The following FAHD2B variants were observed in gnomAD, a reference collection of about 807,000 sequenced individuals.
The protein encoded by FAHD2B is oxaloacetate tautomerase FAHD2B, mitochondrial.
In FAHD2B, 26 loss-of-function variants were observed where a neutral mutation model predicts 33.7. That is an observed-to-expected ratio of 0.77 (90% CI 0.57 to 1.07). The LOEUF (loss-of-function observed/expected upper bound fraction) is 1.07. Ranked by LOEUF, FAHD2B falls within the 50% of genes least tolerant of loss-of-function variation. FAHD2B has a pLI of 0.00. For missense variants in FAHD2B, 272 were observed against 388.1 expected (o/e 0.70, Z 2.51); for synonymous variants, 108 against 150.9 (o/e 0.72, Z 2.08).
Position 97,084,270 on chromosome 2 carries a change from G to C in FAHD2B, c.693C>G (p.His231Gln), listed in dbSNP as rs145484440. 3.1e-5 allele frequency: 50 copies of C among 1,613,444 alleles called. No homozygotes were observed. The highest frequency in any genetic ancestry group is 4.1e-5 in the Non-Finnish European group (48 of 1,179,844). ...TCACTCGGCAGCAGATCTTTAAGTTGTGTGGATCTGAAATGCAAAGATGGA... is the reference window on the plus strand; with the variant it reads ...TCACTCGGCAGCAGATCTTTAAGTTCTGTGGATCTGAAATGCAAAGATGGA... ...LVTKDSVADP[H>Q]NLKICCRVNG... is the part of the protein sequence containing the mutation. The change falls in exon 7 of 9, where the codon CAC becomes CAG. Residue 231 changes from histidine (H) to glutamine (Q), a missense_variant. By Grantham distance (24) the His-to-Gln change is conservative (BLOSUM62 0). Transcript: ENST00000414820.
intron 1 of FAHD2B, among the ~76,000 whole-genome samples, chr2:97,094,179 G>A (rs571498005): frequency 6.6e-6 from 1 of 152,076 alleles, no homozygotes; most frequent in Non-Finnish European, 1.5e-5. Context: ...CCTCAGGGAC[G>A]AGGCTGGTTA....
downstream of FAHD2B, chr2:97,081,585 C>T (rs560353548): frequency 2.3e-4 from 346 of 1,511,656 alleles, 33 homozygotes; most frequent in African/African-American, 4.5e-3. Context: ...ACCCTGAGTG[C>T]CAGCTGCCCC....
chr2:97,091,771 C>T (rs2153383811), intron 2 of FAHD2B, 59 bp from the exon 3 acceptor site: 2 of 1,564,146 alleles, frequency 1.3e-6, no homozygotes, highest in Admixed American at 1.8e-5. Flanking sequence ...CATCAGCATC[C>T]CTGATATTCC....
chr2:97,093,599 C>T (rs1259795157), intron 1 of FAHD2B, among the ~76,000 whole-genome samples: 14 of 152,024 alleles, frequency 9.2e-5, no homozygotes, highest in Non-Finnish European at 1.5e-5. Flanking sequence ...CTCAGCCTCC[C>T]CAGCAGCTGG....
intron 5 of FAHD2B, 126 bp downstream of exon 5, chr2:97,086,013 G>A: frequency 2.3e-6 from 3 of 1,280,062 alleles, no homozygotes; most frequent in South Asian, 1.3e-5. Flanking sequence ...GAGCAAGGAG[G>A]CTGACTGCTT....
downstream of FAHD2B, among the ~76,000 whole-genome samples, chr2:97,079,294 A>G (rs1241345844): frequency 3.3e-5 from 5 of 152,128 alleles, no homozygotes; most frequent in Non-Finnish European, 7.3e-5. Flanking sequence ...ACCCAGTAAT[A>G]AGATTGCTTG....
In FAHD2B at chr2:97,086,137, A is replaced by C; in HGVS notation, c.522+2T>G. ...CCTGGGAGCCCACCCTTTCCACCTC[A>C]CCTTGATGTGCTTGCCTTTCTTTCC... On this transcript the variant is annotated splice_donor_variant, in intron 5 of 8. Coordinates refer to ENST00000414820, the MANE Select transcript of FAHD2B (RefSeq NM_001320848.2). LOFTEE classifies it high-confidence loss of function. The C allele has an allele frequency of 6.2e-7, 1 of 1,612,704 alleles. No individual in the cohort carries two copies. Among genetic ancestry groups the C allele is most frequent in the South Asian group, 1.1e-5 (1 of 90,644 alleles).
intron 3 of FAHD2B, 35 bp from the exon 4 acceptor site, chr2:97,090,360 G>A: frequency 6.8e-7 from 1 of 1,479,378 alleles, no homozygotes; most frequent in South Asian, 1.4e-5. Context: ...GGGTCTGGCT[G>A]GGAACAGGTG....
downstream of FAHD2B, chr2:97,083,370 A>G (rs1261941888): frequency 2.0e-5 from 30 of 1,480,578 alleles, no homozygotes; most frequent in East Asian, 7.0e-4. Context: ...TATAAATATA[A>G]TCATTGAGGC....
chr2:97,082,589 G>A, downstream of FAHD2B: 1 of 1,576,500 alleles, frequency 6.3e-7, no homozygotes, highest in African/African-American at 1.3e-5. Flanking sequence ...ACAGTCTTCT[G>A]TCCAGTCTGA....
intron 4 of FAHD2B, among the ~76,000 whole-genome samples, chr2:97,087,416 G>A (rs1263000125): frequency 2.0e-5 from 3 of 152,084 alleles, no homozygotes; most frequent in Admixed American, 6.6e-5. Flanking sequence ...CATTGTTCTT[G>A]GCCGGGTGCA....
rs1209696678 is a variant in FAHD2B at position 97,091,568 on chromosome 2, C to T, written c.139G>A (p.Gly47Arg). 1.7e-5 allele frequency: 28 copies of T among 1,613,776 alleles called. No individual in the cohort carries two copies. The highest frequency in any genetic ancestry group is 2.4e-5 in the Non-Finnish European group (28 of 1,180,026). ...LVGPHLGLET[G>R]NGGGVINLNA... ...AGGTTGATAACCCCTCCACCATTCC[C>T]TGTCTCCAGGCCCAAGTGAGGCCCC... is the stretch of plus-strand genomic sequence containing the variant. Residue 47 changes from glycine (G) to arginine (R), a missense_variant, in exon 3 of 9, where the codon GGG becomes AGG. Transcript: ENST00000414820.
At position 97,091,701 on chromosome 2, in the gene FAHD2B, C is replaced by G; in HGVS notation, c.6G>C (p.Leu2=). The G allele has an allele frequency of 6.2e-7, 1 of 1,611,552 alleles. No homozygotes were observed. The highest frequency in any genetic ancestry group is 8.5e-7 in the Non-Finnish European group (1 of 1,178,438). The change falls in exon 3 of 9, where the codon CTG becomes CTC. Residue 2 remains leucine, a synonymous_variant. Coordinates refer to ENST00000414820, the MANE Select transcript of FAHD2B (RefSeq NM_001320848.2). M[L]VSGRRRLLTA... ...TGAGTAATCTTCTTCTACCAGACACCAGCATCAGAGCCTGCAGAGAAAAAC... is the reference window on the plus strand; with the variant it reads ...TGAGTAATCTTCTTCTACCAGACACGAGCATCAGAGCCTGCAGAGAAAAAC...
At position 97,090,406 on chromosome 2, in the gene FAHD2B, G is replaced by C. The variant is rs2032267160; in HGVS notation, c.246-81C>G. On this transcript the variant is annotated intron_variant, in intron 3 of 8. Coordinates refer to ENST00000414820, the MANE Select transcript of FAHD2B (RefSeq NM_001320848.2). ...GGCAGGCTGGGCAGATCCTGCAGCA[G>C]CTACAGGTTTTGCTTTTTGAAATCT... 2.0e-6 allele frequency: 3 copies of C among 1,472,008 alleles called. No individual in the cohort carries two copies. In the East Asian group the frequency reaches 7.4e-5, roughly 36 times the overall value. 91.2% of individuals were successfully genotyped at this position (1,472,008 alleles called of 1,614,324 possible).
At chr2:97,080,664 T>C (rs569342752), downstream of FAHD2B, among the ~76,000 whole-genome samples, 1 of 152,272 alleles carries the variant, frequency 6.6e-6, no homozygotes, top group Non-Finnish European at 1.5e-5. Context: ...ATTGGATCAA[T>C]AAATTACTTT....
chr2:97,083,450 G>T, downstream of FAHD2B: 1 of 1,323,960 alleles, frequency 7.6e-7, no homozygotes, highest in South Asian at 1.6e-5. Flanking sequence ...GAGACGAGTT[G>T]TCTTTTCCCC....
At chr2:97,082,293 G>A (rs1285281078), downstream of FAHD2B, 39 of 1,580,582 alleles carry the variant, frequency 2.5e-5, no homozygotes, top group East Asian at 2.1e-4. Flanking sequence ...GCCTTCCTCC[G>A]CCAGGGCCAG....
At chr2:97,082,487 A>G, downstream of FAHD2B, 1 of 1,611,946 alleles carries the variant, frequency 6.2e-7, no homozygotes, top group Non-Finnish European at 8.5e-7. Context: ...CAGTCAGCCC[A>G]GGCTCCTGCA....
At chr2:97,085,053 G>A (rs2031881231) in intron 6 of FAHD2B, among the ~76,000 whole-genome samples, 1 of 152,086 alleles carries the variant, frequency 6.6e-6, no homozygotes, top group African/African-American at 2.4e-5. Flanking sequence ...TTTAACTGTT[G>A]GTGTTGGTCT....
Sources: allele counts gnomAD v4.1 joint callset (sites outside exome capture counted in the v4.1 genomes callset), GRCh38; gene constraint gnomAD v4.1.1; transcripts MANE v1.5; gene names NCBI Gene and HGNC (gene_info 2026-07-23, HGNC 2026-07-21).